Variants in LAMA3 observed in about 807,000 individuals in gnomAD.
The protein encoded by LAMA3 is laminin subunit alpha-3.
In LAMA3, 281 loss-of-function variants were observed where a neutral mutation model predicts 402.0. The observed-to-expected ratio is 0.70, with a 90% CI of 0.63 to 0.77. The LOEUF (loss-of-function observed/expected upper bound fraction) is 0.77, where lower values mean the gene tolerates loss of function less well. Among genes scored for constraint, LAMA3 ranks in the 30% least tolerant of loss-of-function variants. LAMA3 has a pLI of 0.00. For synonymous variants in LAMA3, 1,431 were observed against 1,558.4 expected, an observed-to-expected ratio of 0.92 and a Z score of 1.93; for missense variants, 3,840 against 4,215.5, an observed-to-expected ratio of 0.91 and a Z score of 2.47.
intron 32 of LAMA3, among the ~76,000 whole-genome samples, chr18:23,853,821 A>T (rs1568258671): frequency 2.0e-5 from 3 of 152,222 alleles, no homozygotes; most frequent in Non-Finnish European, 4.4e-5. Flanking sequence ...ATACCAAGTC[A>T]GGCCGACATG....
intron 8 of LAMA3, among the ~76,000 whole-genome samples, chr18:23,773,250 G>C (rs890883278): frequency 6.6e-6 from 1 of 152,256 alleles, no homozygotes; most frequent in Non-Finnish European, 1.5e-5. Flanking sequence ...TAAAGCCTGG[G>C]CTTGTCCAGT....
In LAMA3 at chr18:23,894,928, C is replaced by A. The variant is rs1197927783; in HGVS notation, c.5483C>A (p.Thr1828Asn). 5 of 1,614,078 alleles carry A rather than the reference C, an allele frequency of 3.1e-6. No individual in the cohort carries two copies. Among genetic ancestry groups the A allele is most frequent in the Admixed American group, 3.3e-5 (2 of 60,012 alleles). ...ECDDCDSCVM[T>N]LLNDLATMGE... is the part of the protein sequence containing the mutation. ...ACAGATTGCGACAGCTGTGTGATGA[C>A]CCTCCTGAACGACCTGGCCACCATG... The change falls in exon 44 of 75, where the codon ACC becomes AAC. Residue 1828 changes from threonine to asparagine, a missense_variant. Thr to Asn is a moderately conservative substitution (Grantham distance 65, BLOSUM62 0). Coordinates refer to ENST00000313654, the MANE Select transcript of LAMA3 (RefSeq NM_198129.4).
intron 12 of LAMA3, among the ~76,000 whole-genome samples, chr18:23,799,253 A>G (rs1204815106): frequency 1.3e-5 from 2 of 152,226 alleles, no homozygotes; most frequent in African/African-American, 4.8e-5. Flanking sequence ...TGAGGAGTAG[A>G]CAAGAAATAA....
intron 23 of LAMA3, 49 bp from the exon 24 acceptor site, chr18:23,833,779 G>C: frequency 6.2e-7 from 1 of 1,607,316 alleles, no homozygotes; most frequent in Non-Finnish European, 8.5e-7. Flanking sequence ...AGTGTGGCCT[G>C]TACATGTCAC....
At chr18:23,816,312 C>A in intron 17 of LAMA3, 76 bp from the exon 18 acceptor site, 1 of 1,135,308 alleles carries the variant, frequency 8.8e-7, no homozygotes, top group Non-Finnish European at 1.3e-6. Flanking sequence ...GTCAGTTTTC[C>A]TTTCTTGTAC....
chr18:23,907,336 A>G (rs1476248722), intron 52 of LAMA3, among the ~76,000 whole-genome samples: 1 of 152,160 alleles, frequency 6.6e-6, no homozygotes, highest in Non-Finnish European at 1.5e-5. Flanking sequence ...TTTCCAAGGC[A>G]TTACCACAAG....
chr18:23,869,431 G>C (rs981348470), intron 37 of LAMA3, among the ~76,000 whole-genome samples: 13 of 152,240 alleles, frequency 8.5e-5, no homozygotes, highest in East Asian at 3.9e-4. Context: ...TTGACACAAG[G>C]GTTCTTCTTA....
At chr18:23,848,873 G>A (rs2063883230) in intron 32 of LAMA3, among the ~76,000 whole-genome samples, 1 of 104,940 alleles carries the variant, frequency 9.5e-6, no homozygotes, top group Admixed American at 1.0e-4. Context: ...CGCTTCTGGT[G>A]TGCAGGTATT....
intron 62 of LAMA3, among the ~76,000 whole-genome samples, chr18:23,924,814 A>T (rs1205641692): frequency 6.6e-6 from 1 of 152,122 alleles, no homozygotes; most frequent in Non-Finnish European, 1.5e-5. Context: ...AAGTGTTAGG[A>T]TTACAGGCAT....
intron 41 of LAMA3, among the ~76,000 whole-genome samples, chr18:23,887,563 T>TC (rs2144982865): frequency 6.6e-6 from 1 of 152,392 alleles, no homozygotes; most frequent in East Asian, 1.9e-4. Flanking sequence ...TGAAGCTTTT[T>TC]CATGGATAAA....
At chr18:23,904,155 C>A in intron 50 of LAMA3, 68 bp downstream of exon 50, 1 of 1,581,434 alleles carries the variant, frequency 6.3e-7, no homozygotes, top group South Asian at 1.1e-5. Context: ...CTGAGACAAG[C>A]AAGGCCCTCC....
At chr18:23,806,350 G>T (rs879030344) in intron 12 of LAMA3, among the ~76,000 whole-genome samples, 1 of 152,106 alleles carries the variant, frequency 6.6e-6, no homozygotes, top group Non-Finnish European at 1.5e-5. Context: ...GAAGTGTAGC[G>T]CACCTTCTCA....
At chr18:23,877,338 T>C (rs539540298) in intron 39 of LAMA3, among the ~76,000 whole-genome samples, 1 of 152,372 alleles carries the variant, frequency 6.6e-6, no homozygotes, top group East Asian at 1.9e-4. Flanking sequence ...AAATTTTTCT[T>C]ATGCATCCTG....
chr18:23,823,878 C>T (rs1272037482), intron 20 of LAMA3, among the ~76,000 whole-genome samples: 2 of 152,126 alleles, frequency 1.3e-5, no homozygotes, highest in African/African-American at 4.8e-5. Context: ...TATGCATGTT[C>T]ATTAATAAAA....
At chr18:23,843,804 C>T (rs1482449637) in intron 29 of LAMA3, among the ~76,000 whole-genome samples, 1 of 152,216 alleles carries the variant, frequency 6.6e-6, no homozygotes, top group Non-Finnish European at 1.5e-5. Context: ...GCCTCCCACA[C>T]CTCACGCTCT....
chr18:23,790,678 AGAAACTGTT>A (rs1420249656), intron 12 of LAMA3, among the ~76,000 whole-genome samples: 1 of 152,210 alleles, frequency 6.6e-6, no homozygotes, highest in African/African-American at 2.4e-5. Flanking sequence ...TCATTCAGCT[AGAAACTGTT>A]GCTCAGTAAA....
At chr18:23,755,687 C>T (rs960904016) in intron 6 of LAMA3, among the ~76,000 whole-genome samples, 2 of 152,084 alleles carry the variant, frequency 1.3e-5, no homozygotes, top group African/African-American at 2.4e-5. Context: ...TAGCAGCCAA[C>T]TCAAAAAGGG....
At chr18:23,938,838 G>T (rs184948689) in intron 67 of LAMA3, among the ~76,000 whole-genome samples, 2 of 152,040 alleles carry the variant, frequency 1.3e-5, no homozygotes, top group South Asian at 2.1e-4. Context: ...AGAGAAAGGG[G>T]GGGTATTTAG....
In LAMA3 at chr18:23,758,483, C is replaced by T. The variant is rs200144011; in HGVS notation, c.1035C>T (p.Ala345=). ...ACAATCAGAGGCGCTGGCGGCCCGC[C>T]GCTTGGGAGCAGAGCCACGAGTGTG... ...TGYNQRRWRP[A]AWEQSHECEA... is the part of the protein sequence containing the mutation. The change falls in exon 7 of 75, where the codon GCC becomes GCT. Residue 345 remains alanine, a synonymous_variant. Coordinates refer to ENST00000313654, the MANE Select transcript of LAMA3 (RefSeq NM_198129.4). 1.7e-4 allele frequency: 275 copies of T among 1,614,046 alleles called. No individual in the cohort carries two copies. The highest frequency in any genetic ancestry group is 8.3e-4 in the Middle Eastern group (5 of 6,034).
Sources: allele counts gnomAD v4.1 joint callset (sites outside exome capture counted in the v4.1 genomes callset), GRCh38; gene constraint gnomAD v4.1.1; transcripts MANE v1.5; gene names NCBI Gene and HGNC (gene_info 2026-07-23, HGNC 2026-07-21).